Variants in CFAP47 observed in about 807,000 individuals in gnomAD.
CFAP47 encodes the protein cilia and flagella associated protein 47.
CFAP47 carries 29 observed loss-of-function variants against 148.1 expected under a neutral mutation model. That is an observed-to-expected ratio of 0.20 (90% confidence interval 0.15 to 0.27). The LOEUF is 0.27. CFAP47 is among the 10% of genes least tolerant of loss of function. The pLI, the probability that CFAP47 is intolerant of heterozygous loss-of-function variation, is 1.00. For missense variants in CFAP47, 1,872 were observed against 1,697.5 expected (o/e 1.10, Z -1.81); for synonymous variants, 664 against 577.3 (o/e 1.15, Z -2.15).
At chrX:36,346,992 T>G (rs1941703029) in intron 57 of CFAP47, among the ~76,000 whole-genome samples, 1 of 111,266 alleles carries the variant, frequency 9.0e-6, no homozygotes, top group Non-Finnish European at 1.9e-5. Flanking sequence ...ATCATCAGAG[T>G]GAACAGGCAA....
chrX:36,176,291 G>A (rs970599155), intron 39 of CFAP47, among the ~76,000 whole-genome samples: 45 of 112,396 alleles, frequency 4.0e-4, no homozygotes, highest in Non-Finnish European at 7.7e-4. Context: ...GCTGTAGACC[G>A]GAGCTGTTCC....
intron 42 of CFAP47, among the ~76,000 whole-genome samples, chrX:36,191,422 C>T (rs1939864119): frequency 1.8e-5 from 2 of 111,299 alleles, no homozygotes; most frequent in Non-Finnish European, 1.9e-5. Flanking sequence ...TCTCAATTTA[C>T]TAAAAACTAA....
chrX:36,244,104 A>C (rs1940585134), intron 48 of CFAP47, among the ~76,000 whole-genome samples: 1 of 111,309 alleles, frequency 9.0e-6, no homozygotes, highest in South Asian at 3.7e-4. Context: ...ACACACATAC[A>C]TGAAAATTAA....
At chrX:36,204,320 T>G (rs1044424579) in intron 44 of CFAP47, among the ~76,000 whole-genome samples, 19 of 110,626 alleles carry the variant, frequency 1.7e-4, no homozygotes, top group African/African-American at 6.3e-4. Flanking sequence ...CTCAGCAAAC[T>G]ATCGCAAGAA....
chrX:36,072,018 T>C, intron 28 of CFAP47, 47 bp downstream of exon 28: 1 of 993,851 alleles, frequency 1.0e-6, no homozygotes, highest in Non-Finnish European at 1.4e-6. Context: ...GTCCATGACA[T>C]GATCTCCTTA....
intron 57 of CFAP47, among the ~76,000 whole-genome samples, chrX:36,338,225 T>A (rs1311006283): frequency 2.8e-5 from 3 of 108,561 alleles, no homozygotes; most frequent in African/African-American, 1.0e-4. Flanking sequence ...CTTATCAGCA[T>A]ACCCATGTTA....
intron 33 of CFAP47, among the ~76,000 whole-genome samples, chrX:36,114,732 G>A (rs1469724264): frequency 9.0e-6 from 1 of 111,420 alleles, no homozygotes; most frequent in Non-Finnish European, 1.9e-5. Context: ...CTGGGTGGGG[G>A]TGGAGGATGA....
intron 19 of CFAP47, among the ~76,000 whole-genome samples, chrX:36,000,070 G>C (rs1425395019): frequency 9.0e-6 from 1 of 110,866 alleles, no homozygotes; most frequent in Non-Finnish European, 1.9e-5. Context: ...ATGGACAAGA[G>C]GTGAAGAAAG....
chrX:36,155,553 A>G (rs1314487100), intron 37 of CFAP47, among the ~76,000 whole-genome samples: 7 of 111,577 alleles, frequency 6.3e-5, no homozygotes, highest in Non-Finnish European at 1.3e-4. Context: ...TATAATTTTC[A>G]TGAGATTTTT....
At chrX:35,920,305 G>C (rs140891998) in intron 1 of CFAP47, among the ~76,000 whole-genome samples, 9 of 111,539 alleles carry the variant, frequency 8.1e-5, no homozygotes, top group Non-Finnish European at 1.7e-4. Context: ...TTCAACCTGG[G>C]TTTAGAAACT....
intron 27 of CFAP47, among the ~76,000 whole-genome samples, chrX:36,068,840 G>A (rs1271148297): frequency 2.8e-5 from 3 of 107,816 alleles, no homozygotes; most frequent in African/African-American, 1.0e-4. Flanking sequence ...CCTGTAATCC[G>A]AGCTACTCGG....
At chrX:35,989,628 G>A in intron 16 of CFAP47, 179 bp downstream of exon 16, 1 of 1,034,925 alleles carries the variant, frequency 9.7e-7, no homozygotes, top group South Asian at 2.6e-5. Flanking sequence ...GGGAGCCATT[G>A]AAATGAAATT....
intron 37 of CFAP47, among the ~76,000 whole-genome samples, chrX:36,158,714 C>G (rs56224199): frequency 0.11 from 12,201 of 111,463 alleles, 708 homozygotes; most frequent in Middle Eastern, 0.19. Flanking sequence ...AGCAGCAATT[C>G]GTGAGCCTCC....
At chrX:36,050,610 T>A (rs1217940043) in intron 26 of CFAP47, among the ~76,000 whole-genome samples, 1 of 111,998 alleles carries the variant, frequency 8.9e-6, no homozygotes, top group Non-Finnish European at 1.9e-5. Context: ...AAGCAGAGAA[T>A]AAAAGTTTGA....
At chrX:36,209,867 A>T (rs990837047) in intron 45 of CFAP47, among the ~76,000 whole-genome samples, 43 of 111,480 alleles carry the variant, frequency 3.9e-4, no homozygotes, top group African/African-American at 1.4e-3. Flanking sequence ...TCTCAAAAAA[A>T]ACCCAGTACT....
intron 30 of CFAP47, 73 bp downstream of exon 30, chrX:36,085,611 G>A (rs959121128): frequency 3.6e-6 from 2 of 552,861 alleles, no homozygotes; most frequent in Non-Finnish European, 5.8e-6. Context: ...CAGATAGATA[G>A]ACTTTGATAT....
At chrX:36,163,572 G>A (rs1326165508) in intron 39 of CFAP47, among the ~76,000 whole-genome samples, 1 of 110,244 alleles carries the variant, frequency 9.1e-6, no homozygotes, top group Non-Finnish European at 1.9e-5. Flanking sequence ...CATCTCATAT[G>A]TTTTGGAATG....
chrX:36,275,831 T>G (rs1556002594), intron 49 of CFAP47, among the ~76,000 whole-genome samples: 2 of 111,090 alleles, frequency 1.8e-5, no homozygotes, highest in Non-Finnish European at 3.8e-5. Flanking sequence ...TGGGCTTTAC[T>G]TTGTTGGAAG....
At chrX:36,206,074 G>A (rs1555988758) in intron 45 of CFAP47, among the ~76,000 whole-genome samples, 1 of 111,715 alleles carries the variant, frequency 9.0e-6, no homozygotes, top group African/African-American at 3.3e-5. Context: ...GTTAGGTCTG[G>A]TCTAAGGTAA....
Sources: gnomAD v4.1 joint callset for allele counts (sites outside exome capture counted in the v4.1 genomes callset) on GRCh38, gnomAD v4.1.1 for gene constraint, MANE v1.5 for transcripts, NCBI Gene and HGNC (gene_info 2026-07-23, HGNC 2026-07-21) for gene names.